The following ARHGAP11B variants were observed in gnomAD, a reference collection of about 807,000 sequenced individuals.
ARHGAP11B encodes Rho GTPase activating protein 11B, also known as inactive Rho GTPase-activating protein 11B.
In ARHGAP11B, 14 loss-of-function variants were observed where a neutral mutation model predicts 27.6. The ratio of observed to expected loss-of-function variants is 0.51; its 90% CI spans 0.34 to 0.79. The LOEUF is 0.79. ARHGAP11B is among the 30% of genes least tolerant of loss of function. The pLI is 0.02. For synonymous variants in ARHGAP11B, 82 were observed against 114.1 expected (o/e 0.72, Z 1.80); for missense variants, 245 against 320.1 (o/e 0.77, Z 1.79).
intron 1 of ARHGAP11B, among the ~76,000 whole-genome samples, chr15:30,628,305 T>A (rs1393635970): frequency 6.6e-6 from 1 of 151,820 alleles, no homozygotes; most frequent in African/African-American, 2.4e-5. Context: ...ATGGTCTCGA[T>A]CTCCTGCCCT....
intron 2 of ARHGAP11B, among the ~76,000 whole-genome samples, 167 bp from the exon 3 acceptor site, chr15:30,633,323 T>C (rs1282713223): frequency 6.6e-6 from 1 of 152,014 alleles, no homozygotes; most frequent in Admixed American, 6.6e-5. Context: ...GAGAAGAATT[T>C]GGAAAGCAAG....
At chr15:30,637,902 C>T (rs143312146) in intron 6 of ARHGAP11B, among the ~76,000 whole-genome samples, 1,467 of 146,608 alleles carry the variant, frequency 0.01, 34 homozygotes, top group African/African-American at 0.035. Flanking sequence ...TCACTGCAAT[C>T]TCCACCTCCT....
At chr15:30,626,764 G>C in exon 1 of ARHGAP11B, 1 of 1,564,700 alleles carries the variant, frequency 6.4e-7, no homozygotes, top group Non-Finnish European at 8.7e-7. Context: ...TGGAAGACTT[G>C]GTGGCGAACG....
intron 7 of ARHGAP11B, among the ~76,000 whole-genome samples, chr15:30,642,077 A>G (rs974352287): frequency 6.6e-6 from 1 of 152,004 alleles, no homozygotes; most frequent in South Asian, 2.1e-4. Flanking sequence ...GACACTTTAG[A>G]TGTATAATAT....
chr15:30,637,816 C>CT (rs398026724), intron 6 of ARHGAP11B, among the ~76,000 whole-genome samples: 2,635 of 103,120 alleles, frequency 0.026, 115 homozygotes, highest in African/African-American at 0.076. Flanking sequence ...TTAAGGCTCA[C>CT]TTTTTTTTTT....
At chr15:30,647,366 C>A (rs941000169) in intron 9 of ARHGAP11B, among the ~76,000 whole-genome samples, 1 of 151,782 alleles carries the variant, frequency 6.6e-6, no homozygotes, top group Non-Finnish European at 1.5e-5. Flanking sequence ...AATTTAAGTT[C>A]ATTTGCTCCC....
In ARHGAP11B at chr15:30,635,440, G is replaced by A. The variant is rs377077753; in HGVS notation, c.661-47G>A. The A allele has an allele frequency of 3.3e-4, 525 of 1,588,662 alleles. 4 individuals carry two copies. The highest frequency in any genetic ancestry group is 3.6e-4 in the Non-Finnish European group (424 of 1,169,992). ...AGTATCTAAACATTTTTGGGGAAGA[G>A]TGGAGGAAGGATAATAATTGTCTTA... On this transcript the variant is annotated intron_variant, in intron 5 of 10. Coordinates refer to ENST00000428041, the Ensembl canonical transcript of ARHGAP11B.
chr15:30,628,975 G>T (rs995794755), intron 1 of ARHGAP11B, among the ~76,000 whole-genome samples: 17 of 151,994 alleles, frequency 1.1e-4, no homozygotes, highest in African/African-American at 3.6e-4. Context: ...TGGTTTGGCT[G>T]CACAGTATCA....
chr15:30,645,521 T>G (rs1483298319), intron 8 of ARHGAP11B, among the ~76,000 whole-genome samples: 1 of 152,040 alleles, frequency 6.6e-6, no homozygotes, highest in African/African-American at 2.4e-5. Context: ...ATACTATTTA[T>G]TTTTTCTTCT....
At chr15:30,638,753 T>C in exon 7 of ARHGAP11B, 1 of 1,487,270 alleles carries the variant, frequency 6.7e-7, no homozygotes, top group Admixed American at 2.5e-5. Flanking sequence ...CAGATTTTGT[T>C]AGTGGAGCAC....
intron 4 of ARHGAP11B, 98 bp from the exon 5 acceptor site, chr15:30,634,982 A>G (rs1340075824): frequency 1.5e-6 from 2 of 1,370,714 alleles, no homozygotes; most frequent in African/African-American, 1.4e-5. Context: ...CTTGTGTATG[A>G]CTGATAATAA....
intron 9 of ARHGAP11B, chr15:30,647,551 C>T (rs770012278): frequency 1.6e-4 from 27 of 165,702 alleles, no homozygotes; most frequent in Non-Finnish European, 3.2e-4. Flanking sequence ...TTTTGGTATA[C>T]AGCATAAATT....
chr15:30,638,685 T>G lies in ARHGAP11B; in HGVS notation c.*4-61T>G. 3 of 1,038,224 alleles carry G rather than the reference T, an allele frequency of 2.9e-6. No homozygotes were observed. The South Asian group carries it at 4.8e-5, about 17-fold the overall frequency. 64.3% of individuals were successfully genotyped at this position (1,038,224 alleles called of 1,614,324 possible). ...TGAAAGAAGACCGCAAATATTAATA[T>G]GAATTATTGGTGAAAGACAAGTAAA... On this transcript the variant is annotated intron_variant, in intron 6 of 10. Coordinates refer to ENST00000428041, the Ensembl canonical transcript of ARHGAP11B.
intron 7 of ARHGAP11B, among the ~76,000 whole-genome samples, chr15:30,642,979 T>C (rs533979206): frequency 2.0e-4 from 30 of 152,128 alleles, no homozygotes; most frequent in African/African-American, 7.2e-4. Context: ...AATGTGGTAG[T>C]TGGAGTTGCA....
chr15:30,646,600 C>G (rs1378194757), intron 9 of ARHGAP11B, among the ~76,000 whole-genome samples: 1 of 151,234 alleles, frequency 6.6e-6, no homozygotes, highest in Non-Finnish European at 1.5e-5. Context: ...GGCGCGGAGC[C>G]TGCAGTGAGC....
intron 6 of ARHGAP11B, 53 bp downstream of exon 6, chr15:30,635,686 T>C: frequency 6.3e-7 from 1 of 1,582,886 alleles, no homozygotes; most frequent in Non-Finnish European, 8.6e-7. Context: ...TAATCGAAAG[T>C]ACATTTCACA....
intron 1 of ARHGAP11B, 123 bp from the exon 2 acceptor site, chr15:30,630,580 T>G: frequency 2.6e-6 from 4 of 1,519,642 alleles, no homozygotes; most frequent in Non-Finnish European, 3.6e-6. Context: ...TTGTCTTGAT[T>G]GATAGTTTAT....
chr15:30,629,526 C>G (rs1443534253), intron 1 of ARHGAP11B, among the ~76,000 whole-genome samples: 1 of 152,048 alleles, frequency 6.6e-6, no homozygotes, highest in Non-Finnish European at 1.5e-5. Flanking sequence ...GCACTCCAGC[C>G]TGGGCCACAA....
chr15:30,646,918 G>A (rs1190698951), intron 9 of ARHGAP11B, among the ~76,000 whole-genome samples: 15 of 151,954 alleles, frequency 9.9e-5, no homozygotes, highest in African/African-American at 3.6e-4. Flanking sequence ...GCAGTGAGCC[G>A]AGATTGCGGC....
Sources: allele counts gnomAD v4.1 joint callset (sites outside exome capture counted in the v4.1 genomes callset), GRCh38; gene constraint gnomAD v4.1.1; transcripts MANE v1.5; gene names NCBI Gene and HGNC (gene_info 2026-07-23, HGNC 2026-07-21).